Variants in RCC1 observed in about 807,000 individuals in gnomAD.
RCC1 encodes regulator of chromosome condensation 1, also known as regulator of chromosome condensation.
A neutral mutation model predicts 44.4 loss-of-function variants in RCC1; 11 were observed. That is an observed-to-expected ratio of 0.25 (90% confidence interval 0.16 to 0.41). The LOEUF (loss-of-function observed/expected upper bound fraction) is 0.41. Ranked by LOEUF, RCC1 falls within the 10% of genes least tolerant of loss-of-function variation. RCC1 has a pLI of 1.00. For missense variants in RCC1, 386 were observed against 547.1 expected, an observed-to-expected ratio of 0.71 and a Z score of 2.94; for synonymous variants, 213 against 216.5, an observed-to-expected ratio of 0.98 and a Z score of 0.14.
intron 3 of RCC1, among the ~76,000 whole-genome samples, chr1:28,511,520 C>T (rs1011836425): frequency 2.6e-5 from 4 of 151,878 alleles, no homozygotes; most frequent in East Asian, 1.9e-4. Flanking sequence ...AGGTGCACGC[C>T]GCCACACCCG....
intron 3 of RCC1, among the ~76,000 whole-genome samples, chr1:28,516,253 C>T (rs1327192816): frequency 6.6e-6 from 1 of 152,110 alleles, no homozygotes; most frequent in Non-Finnish European, 1.5e-5. Context: ...GAGGCTCACG[C>T]CTGTAAGCCC....
intron 1 of RCC1, chr1:28,507,422 G>A (rs1432370403): frequency 1.9e-6 from 1 of 519,104 alleles, no homozygotes; most frequent in Non-Finnish European, 3.8e-6. Context: ...AGTGGCGTAG[G>A]GGAGCATAGG....
intron 4 of RCC1, among the ~76,000 whole-genome samples, chr1:28,521,299 AGACCATCCT>A: frequency 6.6e-6 from 1 of 152,022 alleles, no homozygotes; most frequent in East Asian, 2.0e-4. Flanking sequence ...CAGGAGATCG[AGACCATCCT>A]GGCTAACACG....
At chr1:28,507,976 G>A (rs1488100063) in intron 1 of RCC1, 152 bp from the exon 2 acceptor site, 1 of 294,754 alleles carries the variant, frequency 3.4e-6, no homozygotes, top group Non-Finnish European at 6.8e-6. Flanking sequence ...TAGGTAGCTG[G>A]AGGAAGGAGA....
Position 28,536,733 on chromosome 1 carries a change from C to G in RCC1, c.938-14C>G, listed in dbSNP as rs1387768963. On this transcript the variant is annotated splice_polypyrimidine_tract_variant and intron_variant, in intron 11 of 12. Transcript: ENST00000683442. This position sits in a 1 kb window ranked among gnomAD's most constrained non-coding sequence, Gnocchi z 4.9. ...GCCCTCTGCTATTGCTCATCTCTCT[C>G]CCTCCTCCCATAGGAAAAGCATACA... The G allele has an allele frequency of 6.2e-7, 1 of 1,613,372 alleles. No homozygotes were observed. Among genetic ancestry groups the G allele is most frequent in the Non-Finnish European group, 8.5e-7 (1 of 1,179,548 alleles).
At chr1:28,519,868 C>A (rs947964601) in intron 4 of RCC1, among the ~76,000 whole-genome samples, 6 of 151,258 alleles carry the variant, frequency 4.0e-5, no homozygotes, top group Admixed American at 2.6e-4. Flanking sequence ...CCACCGCACC[C>A]GGCCAATTTT....
intron 4 of RCC1, chr1:28,526,364 T>G: frequency 2.6e-6 from 1 of 389,548 alleles, no homozygotes; most frequent in Non-Finnish European, 5.0e-6. Flanking sequence ...GACCTCTTAG[T>G]GCAAGACCAG....
chr1:28,507,332 T>G (rs762728544), intron 1 of RCC1: 1 of 516,102 alleles, frequency 1.9e-6, no homozygotes, highest in African/African-American at 1.9e-5. Context: ...TGTTTCCTAT[T>G]GGATTCTGTA....
intron 1 of RCC1, chr1:28,507,184 A>G (rs1662023691): frequency 2.8e-6 from 1 of 359,534 alleles, no homozygotes; most frequent in African/African-American, 2.1e-5. Flanking sequence ...CTAACCGCCT[A>G]TTGTAAAGTA....
intron 3 of RCC1, chr1:28,510,235 G>A (rs1038287482): frequency 1.3e-5 from 2 of 152,376 alleles, no homozygotes; most frequent in East Asian, 3.8e-4. Context: ...CCAAGGTGTT[G>A]AGGTCAGGGT....
intron 3 of RCC1, among the ~76,000 whole-genome samples, chr1:28,515,160 C>T (rs554257189): frequency 1.4e-4 from 22 of 152,060 alleles, no homozygotes; most frequent in Non-Finnish European, 3.1e-4. Context: ...CGTGGTGGTG[C>T]ACGCCTGTAA....
intron 4 of RCC1, among the ~76,000 whole-genome samples, chr1:28,527,865 C>T (rs968206754): frequency 6.6e-5 from 10 of 151,584 alleles, no homozygotes; most frequent in Admixed American, 1.3e-4. Flanking sequence ...CAAAATAAGC[C>T]GGGCGTGGTG....
chr1:28,528,330 C>T (rs1253387869), intron 4 of RCC1, among the ~76,000 whole-genome samples: 3 of 152,132 alleles, frequency 2.0e-5, no homozygotes, highest in Non-Finnish European at 4.4e-5. Flanking sequence ...GTGGTGGGTG[C>T]CTGTAATCCC....
At position 28,516,777 on chromosome 1, in the gene RCC1, T is replaced by G. The variant is rs6661763; in HGVS notation, c.-100T>G. The G allele has an allele frequency of 6.5e-3, 2,951 of 454,684 alleles. 62 individuals are homozygous for G. The highest frequency in any genetic ancestry group is 0.051 in the African/African-American group (2,550 of 49,874). The allele number at this position is 454,684 out of a possible 1,614,324, so 28.2% of individuals were successfully genotyped here. On this transcript the variant is annotated 5_prime_UTR_variant, in exon 4 of 13. Coordinates refer to ENST00000683442, the MANE Select transcript of RCC1 (RefSeq NM_001381865.2). Reference sequence around the variant, plus strand: ...AAGACAGCAGAGAGAGAGAGAGAGATCAGAGATCCCAGGGTTAAAAGTTGG... The same window carrying G: ...AAGACAGCAGAGAGAGAGAGAGAGAGCAGAGATCCCAGGGTTAAAAGTTGG...
chr1:28,506,074 T>G lies in RCC1; in HGVS notation c.-272T>G, dbSNP rs11810945. The G allele has an allele frequency of 0.059, 26,707 of 455,992 alleles. 2,530 individuals carry two copies. The highest frequency in any genetic ancestry group is 0.3 in the African/African-American group (15,102 of 50,144). 28.2% of individuals were successfully genotyped at this position (455,992 alleles called of 1,614,324 possible). The stretch of plus-strand genomic sequence containing the variant: ...TGGAGACAGATTCGCAGTGGTCGCT[T>G]CTTCTCCTTGGTAAGTGTGATCCTT... On this transcript the variant is annotated 5_prime_UTR_variant, in exon 1 of 13. Transcript: ENST00000683442.
chr1:28,532,369 G>A lies in RCC1; in HGVS notation c.441+19G>A. ...CTTCCGGGTAAGGCTGGGTCTGAAAGTCTGCATGGTCCCTGAAAGACAGAA... is the reference window on the plus strand; with the variant it reads ...CTTCCGGGTAAGGCTGGGTCTGAAAATCTGCATGGTCCCTGAAAGACAGAA... On this transcript the variant is annotated intron_variant, in intron 7 of 12. Transcript: ENST00000683442. The A allele has an allele frequency of 6.2e-7, 1 of 1,613,006 alleles. No homozygotes were observed.
intron 7 of RCC1, among the ~76,000 whole-genome samples, chr1:28,534,197 T>G (rs2124665218): frequency 6.6e-6 from 1 of 151,994 alleles, no homozygotes; most frequent in South Asian, 2.1e-4. Context: ...TTTCTTTGTT[T>G]TGAGACGGAG....
At chr1:28,518,108 G>T (rs1269776722) in intron 4 of RCC1, 1 of 149,882 alleles carries the variant, frequency 6.7e-6, no homozygotes, top group African/African-American at 2.5e-5. Context: ...CCTGGCCAAG[G>T]GCTCCCCCAG....
At chr1:28,526,488 A>G in intron 4 of RCC1, 2 of 574,794 alleles carry the variant, frequency 3.5e-6, no homozygotes, top group South Asian at 1.9e-5. Flanking sequence ...TATCCAGGCA[A>G]GACGGCTAAA....
Sources: gnomAD v4.1 joint callset for allele counts (sites outside exome capture counted in the v4.1 genomes callset) on GRCh38, gnomAD v4.1.1 for gene constraint, Gnocchi (gnomAD v3.1) non-coding constraint, MANE v1.5 for transcripts, NCBI Gene and HGNC (gene_info 2026-07-23, HGNC 2026-07-21) for gene names.